RAB28: variants seen among roughly 807,000 people sequenced by gnomAD.
The protein encoded by RAB28 is RAB28, member RAS oncogene family.
A neutral mutation model predicts 31.7 loss-of-function variants in RAB28; 24 were observed. The ratio of observed to expected loss-of-function variants is 0.76; its 90% CI spans 0.55 to 1.06. The LOEUF (loss-of-function observed/expected upper bound fraction) is 1.06. Ranked by LOEUF, RAB28 falls within the 50% of genes least tolerant of loss-of-function variation. The pLI, the probability that RAB28 is intolerant of heterozygous loss-of-function variation, is 0.00. For synonymous variants in RAB28, 100 were observed against 90.4 expected (o/e 1.11, Z -0.60); for missense variants, 254 against 258.5 (o/e 0.98, Z 0.12).
chr4:13,415,843 C>G (rs984815539), intron 4 of RAB28, among the ~76,000 whole-genome samples: 1 of 152,224 alleles, frequency 6.6e-6, no homozygotes, highest in Non-Finnish European at 1.5e-5. Context: ...GCCAGCTGGG[C>G]TCCTGACTGG....
intron 6 of RAB28, chr4:13,371,969 G>A: frequency 8.5e-7 from 1 of 1,178,714 alleles, no homozygotes; most frequent in Non-Finnish European, 1.2e-6. Context: ...CAGCCATGGA[G>A]GGCATAAGCA....
chr4:13,474,224 G>C (rs1716246867), intron 3 of RAB28, 94 bp downstream of exon 3: 2 of 859,022 alleles, frequency 2.3e-6, no homozygotes, highest in African/African-American at 1.7e-5. Context: ...AAGTTAGAAA[G>C]AATGTGTGTG....
intron 4 of RAB28, among the ~76,000 whole-genome samples, chr4:13,396,946 T>C (rs545110152): frequency 2.8e-4 from 42 of 152,124 alleles, no homozygotes; most frequent in Non-Finnish European, 4.9e-4. Context: ...ACTTTTAGCC[T>C]ATACTTATTT....
At chr4:13,466,648 A>T (rs994894926) in intron 3 of RAB28, among the ~76,000 whole-genome samples, 1 of 151,916 alleles carries the variant, frequency 6.6e-6, no homozygotes, top group South Asian at 2.1e-4. Context: ...TCCTCAAAAA[A>T]ACTAAGAATA....
At chr4:13,422,884 A>C (rs1328601014) in intron 4 of RAB28, among the ~76,000 whole-genome samples, 1 of 151,880 alleles carries the variant, frequency 6.6e-6, no homozygotes, top group African/African-American at 2.4e-5. Context: ...TGTACCCTAG[A>C]ACTTAAAGTA....
chr4:13,474,437 G>T (rs779879139), intron 2 of RAB28, 31 bp from the exon 3 acceptor site: 2 of 1,309,208 alleles, frequency 1.5e-6, no homozygotes, highest in East Asian at 4.7e-5. Flanking sequence ...ATAAAAATAA[G>T]AATACCAAAA....
Position 13,381,496 on chromosome 4 carries a change from C to A in RAB28, c.490G>T (p.Asp164Tyr). 1 of 1,601,828 alleles carries A rather than the reference C, an allele frequency of 6.2e-7. No homozygotes were observed. The change falls in exon 5 of 7, where the codon GAC (aspartate) becomes TAC (tyrosine). Residue 164 changes from aspartate to tyrosine, a missense_variant. Transcript: ENST00000330852. The stretch of plus-strand genomic sequence containing the variant: ...GTATTCATTATTTTACTTACAGAGT[C>A]TCCTGTCTTGGCTGAGACAAAGTGG... The part of the protein sequence containing the change: ...SSHFVSAKTG[D>Y]SVFLCFQKVA...
intron 4 of RAB28, among the ~76,000 whole-genome samples, chr4:13,454,686 C>T (rs1715197605): frequency 6.6e-6 from 1 of 152,180 alleles, no homozygotes; most frequent in Non-Finnish European, 1.5e-5. Flanking sequence ...GGTGGGCTTG[C>T]TGGGCTGTTT....
rs921989155 is a variant in RAB28 at position 13,368,485 on chromosome 4, A to G, written c.*73T>C. 1 of 1,509,642 alleles carries G rather than the reference A, an allele frequency of 6.6e-7. No homozygotes were observed. Among genetic ancestry groups the G allele is most frequent in the African/African-American group, 1.4e-5 (1 of 69,232 alleles). The allele number at this position is 1,509,642 out of a possible 1,614,324, so 93.5% of individuals were successfully genotyped here. A position where few individuals can be genotyped will look rare whatever the true frequency, so the allele number is the denominator to read the frequency against. ...TACAGAGATGGTCACTGATAAAACAAGTTCCTAGAAGTCCTCGGGCCCACC... is the reference window on the plus strand; with the variant it reads ...TACAGAGATGGTCACTGATAAAACAGGTTCCTAGAAGTCCTCGGGCCCACC... On this transcript the variant is annotated 3_prime_UTR_variant, in exon 7 of 7. Transcript: ENST00000330852.
chr4:13,433,974 T>C (rs112339207), intron 4 of RAB28, among the ~76,000 whole-genome samples: 2,102 of 152,242 alleles, frequency 0.014, 23 homozygotes, highest in Middle Eastern at 0.045. Context: ...TGGACTCCTA[T>C]GCAGCCATAA....
At chr4:13,472,239 C>T (rs948159189) in intron 3 of RAB28, among the ~76,000 whole-genome samples, 4 of 151,890 alleles carry the variant, frequency 2.6e-5, no homozygotes, top group Non-Finnish European at 5.9e-5. Context: ...CCTCAAAATC[C>T]TGGGCTCAAG....
In RAB28 at chr4:13,479,503, A is replaced by C. The variant is rs757301616; in HGVS notation, c.99T>G (p.Ala33=). 2 of 1,607,334 alleles carry C rather than the reference A, an allele frequency of 1.2e-6. No homozygotes were observed. The highest frequency in any genetic ancestry group is 2.2e-5 in the South Asian group (2 of 90,612). The stretch of plus-strand genomic sequence containing the variant: ...TGTACTGTTTCCCAAAAGTTTCTTG[A>C]GCAAAACACGTAGTTAAGGAGGTCT... ...SGKTSLTTCF[A]QETFGKQYKQ... Residue 33 remains alanine (A), a synonymous_variant, in exon 2 of 7, where the codon GCT becomes GCG. Coordinates refer to ENST00000330852, the MANE Select transcript of RAB28 (RefSeq NM_001017979.3).
At chr4:13,440,847 C>T (rs998753839) in intron 4 of RAB28, among the ~76,000 whole-genome samples, 2 of 151,478 alleles carry the variant, frequency 1.3e-5, no homozygotes, top group East Asian at 1.9e-4. Context: ...GATAAGGACA[C>T]GACACATGCA....
At chr4:13,417,469 C>A (rs1214202082) in intron 4 of RAB28, among the ~76,000 whole-genome samples, 1 of 152,226 alleles carries the variant, frequency 6.6e-6, no homozygotes, top group African/African-American at 2.4e-5. Flanking sequence ...TGTAGCCTAA[C>A]TGGGAGACAC....
chr4:13,481,702 A>G (rs1322192233), intron 1 of RAB28, among the ~76,000 whole-genome samples: 1 of 152,164 alleles, frequency 6.6e-6, no homozygotes, highest in Non-Finnish European at 1.5e-5. Flanking sequence ...GGAAAGAAAT[A>G]GAAACACGTG....
At chr4:13,478,289 A>T (rs1208051579) in intron 2 of RAB28, among the ~76,000 whole-genome samples, 13 of 151,636 alleles carry the variant, frequency 8.6e-5, no homozygotes. Context: ...TTTCTCCTTA[A>T]ACCTCTTGCT....
intron 4 of RAB28, among the ~76,000 whole-genome samples, chr4:13,426,019 G>A (rs1713462368): frequency 6.6e-6 from 1 of 152,130 alleles, no homozygotes; most frequent in Non-Finnish European, 1.5e-5. Context: ...TTAAAAGCAA[G>A]ATGAGATTTT....
chr4:13,390,055 C>T (rs1355425262), intron 4 of RAB28, among the ~76,000 whole-genome samples: 4 of 152,000 alleles, frequency 2.6e-5, no homozygotes, highest in African/African-American at 7.2e-5. Flanking sequence ...AAGTTCCGGC[C>T]GAGCAACCAG....
chr4:13,393,854 A>AC (rs1491160993), intron 4 of RAB28, among the ~76,000 whole-genome samples: 4 of 127,612 alleles, frequency 3.1e-5, no homozygotes, highest in African/African-American at 8.9e-5. Context: ...ATCACAGGCT[A>AC]CAAAAAAAAA....
Sources: allele counts gnomAD v4.1 joint callset (sites outside exome capture counted in the v4.1 genomes callset), GRCh38; gene constraint gnomAD v4.1.1; transcripts MANE v1.5; gene names NCBI Gene and HGNC (gene_info 2026-07-23, HGNC 2026-07-21).